The following GPC6 variants were observed in gnomAD, a reference collection of about 807,000 sequenced individuals.
The protein encoded by GPC6 is glypican 6.
A neutral mutation model predicts 55.2 loss-of-function variants in GPC6; 14 were observed. The ratio of observed to expected loss-of-function variants is 0.25; its 90% confidence interval spans 0.17 to 0.40. The LOEUF (loss-of-function observed/expected upper bound fraction) is 0.40, where lower values mean the gene tolerates loss of function less well. Among genes scored for constraint, GPC6 ranks in the 10% least tolerant of loss-of-function variants. The pLI, the probability that GPC6 is intolerant of heterozygous loss-of-function variation, is 1.00. For missense variants in GPC6, 641 were observed against 708.5 expected, an observed-to-expected ratio of 0.90 and a Z score of 1.08; for synonymous variants, 278 against 259.6, an observed-to-expected ratio of 1.07 and a Z score of -0.68.
intron 1 of GPC6, among the ~76,000 whole-genome samples, chr13:93,362,372 T>C (rs7981910): frequency 0.15 from 23,055 of 152,110 alleles, 2,004 homozygotes; most frequent in East Asian, 0.42. Context: ...CTTACAGTAT[T>C]AGTACCCATA....
chr13:93,496,727 C>T lies in GPC6; in HGVS notation c.161-48536C>T, dbSNP rs908074184. Reference sequence around the variant, plus strand: ...ACCTTGGGCAACTTACTTAATCTCTCTGTGCTTCAGCTTCTTCATCTGTAA... The same window carrying T: ...ACCTTGGGCAACTTACTTAATCTCTTTGTGCTTCAGCTTCTTCATCTGTAA... On this transcript the variant is annotated intron_variant, in intron 1 of 8. Coordinates refer to ENST00000377047, the MANE Select transcript of GPC6 (RefSeq NM_005708.5). 2.6e-5 allele frequency among the ~76,000 whole-genome samples: 4 copies of T among 152,182 alleles called. No individual in the cohort carries two copies. In the South Asian group the frequency reaches 6.2e-4, roughly 24 times the overall value.
At chr13:93,858,901 T>C (rs1346127314) in intron 3 of GPC6, among the ~76,000 whole-genome samples, 1 of 151,560 alleles carries the variant, frequency 6.6e-6, no homozygotes, top group Non-Finnish European at 1.5e-5. Context: ...AACTTCAAAG[T>C]AGAATAAAGG....
intron 6 of GPC6, among the ~76,000 whole-genome samples, chr13:94,335,816 G>A (rs1433702526): frequency 6.7e-6 from 1 of 148,160 alleles, no homozygotes; most frequent in Non-Finnish European, 1.5e-5. Flanking sequence ...GAACATCCAT[G>A]CCAAAATCAG....
intron 3 of GPC6, among the ~76,000 whole-genome samples, chr13:93,922,873 T>C (rs117415625): frequency 1.3e-5 from 2 of 152,310 alleles, no homozygotes; most frequent in Non-Finnish European, 2.9e-5. Flanking sequence ...TCCATAATAG[T>C]TGATGGCTAT....
intron 2 of GPC6, among the ~76,000 whole-genome samples, chr13:93,797,934 G>C (rs1479875668): frequency 6.6e-6 from 1 of 152,148 alleles, no homozygotes; most frequent in Non-Finnish European, 1.5e-5. Context: ...GTTTTAACAA[G>C]GGTAATAGGC....
At chr13:94,251,726 AAAAAC>A (rs1891355828) in intron 4 of GPC6, among the ~76,000 whole-genome samples, 1 of 140,994 alleles carries the variant, frequency 7.1e-6, no homozygotes, top group Non-Finnish European at 1.5e-5. Context: ...AAAAAAAAAC[AAAAAC>A]AAAACAAACT....
At chr13:93,623,778 G>C (rs918221564) in intron 2 of GPC6, among the ~76,000 whole-genome samples, 3 of 151,910 alleles carry the variant, frequency 2.0e-5, no homozygotes, top group African/African-American at 7.3e-5. Context: ...TTTTGATAAA[G>C]CCATTTTAAC....
intron 2 of GPC6, among the ~76,000 whole-genome samples, chr13:93,715,543 T>A (rs1161153808): frequency 6.6e-6 from 1 of 151,536 alleles, no homozygotes; most frequent in Non-Finnish European, 1.5e-5. Context: ...GGTGATGGGA[T>A]CATTCATACC....
intron 2 of GPC6, among the ~76,000 whole-genome samples, chr13:93,658,938 G>A (rs910680297): frequency 2.0e-5 from 3 of 151,752 alleles, no homozygotes; most frequent in African/African-American, 7.2e-5. Flanking sequence ...AGATATATGT[G>A]ATGTCACCAT....
intron 3 of GPC6, among the ~76,000 whole-genome samples, chr13:93,905,708 A>G (rs1391762895): frequency 1.3e-5 from 2 of 152,244 alleles, no homozygotes; most frequent in Non-Finnish European, 2.9e-5. Context: ...CTTTGGGATT[A>G]GGTGAGAATA....
chr13:94,400,610 C>A (rs1267850660), intron 8 of GPC6, among the ~76,000 whole-genome samples: 1 of 152,108 alleles, frequency 6.6e-6, no homozygotes, highest in Non-Finnish European at 1.5e-5. Flanking sequence ...AGAAACTGTG[C>A]TCATTCTCTA....
At chr13:94,311,813 G>A (rs372295908) in intron 6 of GPC6, among the ~76,000 whole-genome samples, 39 of 152,156 alleles carry the variant, frequency 2.6e-4, no homozygotes, top group East Asian at 2.1e-3. Context: ...TTGAGAAGGG[G>A]ACAGGGAAGA....
At chr13:93,775,119 C>T (rs1053763991) in intron 2 of GPC6, among the ~76,000 whole-genome samples, 1 of 152,190 alleles carries the variant, frequency 6.6e-6, no homozygotes, top group Non-Finnish European at 1.5e-5. Context: ...CTGCTTACTG[C>T]ATGCTAGGCA....
chr13:93,706,967 G>A (rs1473784605), intron 2 of GPC6, among the ~76,000 whole-genome samples: 5 of 151,780 alleles, frequency 3.3e-5, no homozygotes, highest in Admixed American at 6.6e-5. Context: ...CTTCTCTAGT[G>A]AACTGGGCGA....
intron 2 of GPC6, among the ~76,000 whole-genome samples, chr13:93,748,228 T>C (rs1884466682): frequency 6.6e-6 from 1 of 152,164 alleles, no homozygotes; most frequent in Non-Finnish European, 1.5e-5. Flanking sequence ...TTAAATGACA[T>C]ATTGCTTTGT....
chr13:93,277,145 A>G (rs911038601), intron 1 of GPC6, among the ~76,000 whole-genome samples: 1 of 152,148 alleles, frequency 6.6e-6, no homozygotes, highest in African/African-American at 2.4e-5. Context: ...TTTTCTTCTT[A>G]TTATTACATT....
chr13:93,429,566 A>C (rs1422942518), intron 1 of GPC6, among the ~76,000 whole-genome samples: 1 of 152,168 alleles, frequency 6.6e-6, no homozygotes, highest in Non-Finnish European at 1.5e-5. Context: ...CCTGTTAAGT[A>C]AACTAGGCAG....
chr13:93,239,910 T>C (rs914831689), intron 1 of GPC6, among the ~76,000 whole-genome samples: 10 of 152,126 alleles, frequency 6.6e-5, no homozygotes, highest in Admixed American at 6.5e-4. Flanking sequence ...CAGGAGCAGA[T>C]AATTTAATTT....
At chr13:94,399,028 T>C (rs1487149444) in intron 8 of GPC6, among the ~76,000 whole-genome samples, 1 of 152,238 alleles carries the variant, frequency 6.6e-6, no homozygotes, top group Non-Finnish European at 1.5e-5. Context: ...GCTCAGCAGA[T>C]TGCTTAGACA....
Sources: gnomAD v4.1 joint callset for allele counts (sites outside exome capture counted in the v4.1 genomes callset) on GRCh38, gnomAD v4.1.1 for gene constraint, MANE v1.5 for transcripts, NCBI Gene and HGNC (gene_info 2026-07-23, HGNC 2026-07-21) for gene names.